The following NRK variants were observed in gnomAD, a reference collection of about 807,000 sequenced individuals.
The protein encoded by NRK is Nik related kinase.
Under a neutral mutation model 125.2 loss-of-function variants are expected in NRK, and 67 were observed. That is an observed-to-expected ratio of 0.54 (90% confidence interval 0.44 to 0.66). The LOEUF is 0.66. Ranked by LOEUF, NRK falls within the 30% of genes least tolerant of loss-of-function variation. The probability of loss-of-function intolerance (pLI) is 0.00; values close to 1 mark genes in which losing one functional copy is unlikely to be tolerated. For synonymous variants in NRK, 458 were observed against 429.0 expected, an observed-to-expected ratio of 1.07 and a Z score of -0.84; for missense variants, 1,224 against 1,192.9, an observed-to-expected ratio of 1.03 and a Z score of -0.38.
In NRK at chrX:105,924,908, G is replaced by T. The variant is rs773619860; in HGVS notation, c.3189G>T (p.Lys1063Asn). ...ERRGSEGDGG[K>N]GVVRTSEESG... ...GAGGCAGTGAGGGTGATGGAGGTAA[G>T]GGAGTCGTTCGAACCAGTGAAGAGA... The change falls in exon 19 of 29, where the codon AAG becomes AAT. Residue 1063 changes from lysine (K) to asparagine (N), a missense_variant. Physicochemically the swap from Lys to Asn is moderately conservative, Grantham distance 94. Transcript: ENST00000243300. 8.3e-7 allele frequency: 1 copy of T among 1,209,168 alleles called. No individual in the cohort carries two copies. Among genetic ancestry groups the T allele is most frequent in the South Asian group, 1.8e-5 (1 of 56,809 alleles).
chrX:105,921,273 T>C (rs2040441479), intron 16 of NRK, among the ~76,000 whole-genome samples: 1 of 102,108 alleles, frequency 9.8e-6, no homozygotes, highest in Non-Finnish European at 2.0e-5. Flanking sequence ...TAGGTGGGAA[T>C]TGAACAATGA....
intron 24 of NRK, 39 bp from the exon 25 acceptor site, chrX:105,945,833 G>C: frequency 8.5e-7 from 1 of 1,171,567 alleles, no homozygotes; most frequent in South Asian, 1.8e-5. Context: ...CCCAGTATAT[G>C]GTAGGTTAAC....
chrX:105,940,104 T>C (rs1156720664), intron 23 of NRK, 72 bp downstream of exon 23: 1 of 778,426 alleles, frequency 1.3e-6, no homozygotes, highest in Non-Finnish European at 1.9e-6. Context: ...TACATAATTA[T>C]GAAAGGCAAA....
At chrX:105,923,927 G>A (rs2857883) in intron 18 of NRK, among the ~76,000 whole-genome samples, 8,453 of 47,204 alleles carry the variant, frequency 0.18, 532 homozygotes, top group African/African-American at 0.28. Flanking sequence ...ATATATATAT[G>A]TGAAATTTAA....
At chrX:105,849,044 G>A (rs896660539) in intron 2 of NRK, among the ~76,000 whole-genome samples, 6 of 111,537 alleles carry the variant, frequency 5.4e-5, no homozygotes, top group Admixed American at 9.6e-5. Flanking sequence ...TGCCTTATGC[G>A]GCCCTGTGTA....
At chrX:105,839,668 G>A (rs1047585296) in intron 2 of NRK, among the ~76,000 whole-genome samples, 2 of 112,057 alleles carry the variant, frequency 1.8e-5, no homozygotes, top group Non-Finnish European at 3.8e-5. Context: ...TATGTCCCAA[G>A]TATCATGTTA....
At chrX:105,892,096 A>G (rs187801997) in intron 5 of NRK, among the ~76,000 whole-genome samples, 1 of 111,892 alleles carries the variant, frequency 8.9e-6, no homozygotes, top group East Asian at 2.8e-4. Context: ...GTGTTGTGCT[A>G]GATGCTGAGG....
At chrX:105,955,438 G>T (rs900086538) in intron 28 of NRK, 67 bp from the exon 29 acceptor site, 205 of 599,066 alleles carry the variant, frequency 3.4e-4, no homozygotes, top group Non-Finnish European at 5.1e-4. Flanking sequence ...TAAAATTATA[G>T]TTATATGAAA....
chrX:105,957,279 T>G lies in NRK; in HGVS notation c.*1679T>G. The G allele has an allele frequency of 9.0e-6, 1 of 111,641 alleles. No individual in the cohort carries two copies. Among genetic ancestry groups the G allele is most frequent in the Middle Eastern group, 4.7e-3 (1 of 215 alleles). The allele number at this position is 111,641 out of a possible 1,213,427, so 9.2% of individuals were successfully genotyped here. A position where few individuals can be genotyped will look rare whatever the true frequency, so the allele number is the denominator to read the frequency against. On this transcript the variant is annotated 3_prime_UTR_variant, in exon 29 of 29. Coordinates refer to ENST00000243300, the MANE Select transcript of NRK (RefSeq NM_198465.4). The stretch of plus-strand genomic sequence containing the variant: ...ACAACTTTTTGAATGCAGTAGTTTT[T>G]TTTTTTTAAAAACAAACTTTTATGT...
At chrX:105,843,776 C>T (rs1406161579) in intron 2 of NRK, among the ~76,000 whole-genome samples, 1 of 110,787 alleles carries the variant, frequency 9.0e-6, no homozygotes, top group Non-Finnish European at 1.9e-5. Flanking sequence ...GGAGGATTGG[C>T]AGCTGTTAGA....
chrX:105,823,645 G>T (rs751191903), intron 1 of NRK, among the ~76,000 whole-genome samples: 3 of 110,606 alleles, frequency 2.7e-5, no homozygotes, highest in Non-Finnish European at 3.8e-5. Flanking sequence ...TCCCTCTAGA[G>T]TTGTAATTGA....
Position 105,955,497 on chromosome X carries a change from T to C in NRK, c.4654-8T>C, listed in dbSNP as rs1309022417. ...ATCTGTTGACAGTGTATTTCTTTCT[T>C]TTTCAAGCTGTTCTTTACCTCTACC... On this transcript the variant is annotated splice_region_variant and splice_polypyrimidine_tract_variant and intron_variant, in intron 28 of 28. Transcript: ENST00000243300. The C allele has an allele frequency of 8.8e-7, 1 of 1,134,883 alleles. No individual in the cohort carries two copies. The highest frequency in any genetic ancestry group is 2.4e-5 in the Admixed American group (1 of 41,971). 93.5% of individuals were successfully genotyped at this position (1,134,883 alleles called of 1,213,427 possible). A position where few individuals can be genotyped will look rare whatever the true frequency, so the allele number is the denominator to read the frequency against.
chrX:105,912,551 A>C (rs2040315186), intron 13 of NRK, 97 bp from the exon 14 acceptor site: 3 of 271,326 alleles, frequency 1.1e-5, no homozygotes, highest in Non-Finnish European at 1.9e-5. Context: ...ATATTATATA[A>C]TACATATAAA....
intron 27 of NRK, among the ~76,000 whole-genome samples, chrX:105,950,898 C>G (rs972072107): frequency 9.1e-6 from 1 of 110,356 alleles, no homozygotes; most frequent in Non-Finnish European, 1.9e-5. Context: ...TATAAAATGA[C>G]TAAATATGAT....
chrX:105,909,048 A>G lies in NRK; in HGVS notation c.1407A>G (p.Pro469=), dbSNP rs745440582. Residue 469 remains proline (P), a synonymous_variant, in exon 13 of 29, where the codon CCA becomes CCG. Coordinates refer to ENST00000243300, the MANE Select transcript of NRK (RefSeq NM_198465.4). The stretch of plus-strand genomic sequence containing the variant: ...TACAAATGCAGATTAAGGCACCTCC[A>G]CGACTACGGAGGGCAGCCAGGGTGC... ...KPLQMQIKAP[P]RLRRAARVLM... 8 of 1,208,416 alleles carry G rather than the reference A, an allele frequency of 6.6e-6. No individual in the cohort carries two copies. In the African/African-American group the frequency reaches 1.2e-4, roughly 19 times the overall value.
intron 5 of NRK, among the ~76,000 whole-genome samples, chrX:105,889,161 A>G (rs775030072): frequency 8.9e-6 from 1 of 112,760 alleles, no homozygotes; most frequent in Admixed American, 9.3e-5. Flanking sequence ...GCCTGCTCCA[A>G]ATGGGAGAAA....
chrX:105,895,364 A>G, intron 6 of NRK, 69 bp from the exon 7 acceptor site: 1 of 591,428 alleles, frequency 1.7e-6, no homozygotes, highest in Non-Finnish European at 2.5e-6. Flanking sequence ...GAACTGTACC[A>G]GAAAGAAAGA....
chrX:105,937,727 T>C (rs771432387), intron 22 of NRK, 145 bp downstream of exon 22: 5 of 366,774 alleles, frequency 1.4e-5, no homozygotes, highest in South Asian at 1.8e-4. Context: ...TTCCTACTTA[T>C]ATTATCTTAT....
chrX:105,888,393 C>A lies in NRK; in HGVS notation c.352C>A (p.Pro118Thr), dbSNP rs771325267. 5 of 1,196,056 alleles carry A rather than the reference C, an allele frequency of 4.2e-6. No homozygotes were observed. In the East Asian group the frequency reaches 9.0e-5, roughly 22 times the overall value. Reference protein sequence around the residue: ...SFYGAFFKLSPPGQRHQLWMV... With the variant: ...SFYGAFFKLSTPGQRHQLWMV... Reference sequence around the variant, plus strand: ...CTATGGAGCATTTTTCAAGCTGAGTCCCCCTGGTCAGCGGCACCAACTTTG... The same window carrying A: ...CTATGGAGCATTTTTCAAGCTGAGTACCCCTGGTCAGCGGCACCAACTTTG... The change falls in exon 5 of 29, where the codon CCC (proline) becomes ACC (threonine). Residue 118 changes from proline (P) to threonine (T), a missense_variant. Coordinates refer to ENST00000243300, the MANE Select transcript of NRK (RefSeq NM_198465.4).
Sources: gnomAD v4.1 joint callset for allele counts (sites outside exome capture counted in the v4.1 genomes callset) on GRCh38, gnomAD v4.1.1 for gene constraint, MANE v1.5 for transcripts, NCBI Gene and HGNC (gene_info 2026-07-23, HGNC 2026-07-21) for gene names.